Variants in PDE10A observed in about 807,000 individuals in gnomAD.
PDE10A encodes the protein cAMP and cAMP-inhibited cGMP 3',5'-cyclic phosphodiesterase 10A.
A neutral mutation model predicts 97.7 loss-of-function variants in PDE10A; 39 were observed. The observed-to-expected ratio is 0.40, with a 90% confidence interval of 0.31 to 0.52. The LOEUF (loss-of-function observed/expected upper bound fraction) is 0.52, where lower values mean the gene tolerates loss of function less well. PDE10A is among the 20% of genes least tolerant of loss of function. PDE10A has a pLI of 0.56. For synonymous variants in PDE10A, 371 were observed against 376.8 expected, an observed-to-expected ratio of 0.98 and a Z score of 0.18; for missense variants, 731 against 1,047.8, an observed-to-expected ratio of 0.70 and a Z score of 4.17.
intron 5 of PDE10A, among the ~76,000 whole-genome samples, chr6:165,441,639 G>T (rs763361246): frequency 2.0e-5 from 3 of 151,958 alleles, no homozygotes; most frequent in Non-Finnish European, 4.4e-5. Context: ...TTTTTCCCAA[G>T]TTCTGAAAAA....
At chr6:165,912,813 C>G (rs1026522590) in intron 1 of PDE10A, among the ~76,000 whole-genome samples, 2 of 152,158 alleles carry the variant, frequency 1.3e-5, no homozygotes, top group Non-Finnish European at 2.9e-5. Flanking sequence ...GAAGCGAACC[C>G]TCTATGTCCA....
intron 1 of PDE10A, among the ~76,000 whole-genome samples, chr6:165,864,718 TTCATGGAACA>T (rs1180502662): frequency 6.6e-6 from 1 of 152,216 alleles, no homozygotes; most frequent in Non-Finnish European, 1.5e-5. Flanking sequence ...CATAAAGTTG[TTCATGGAACA>T]TCATTTTATA....
chr6:165,666,676 A>G (rs147883547), upstream of PDE10A, among the ~76,000 whole-genome samples: 2 of 146,634 alleles, frequency 1.4e-5, no homozygotes, highest in African/African-American at 5.1e-5. Flanking sequence ...CCCTCACTAC[A>G]AGTCTTTAGT....
intron 1 of PDE10A, among the ~76,000 whole-genome samples, chr6:165,574,861 A>C (rs1003049217): frequency 2.6e-5 from 4 of 152,220 alleles, no homozygotes; most frequent in Non-Finnish European, 5.9e-5. Context: ...ACCTGTTAAA[A>C]CAGGATATGA....
At chr6:165,362,820 TATC>T (rs1223423253) in intron 18 of PDE10A, among the ~76,000 whole-genome samples, 3 of 152,138 alleles carry the variant, frequency 2.0e-5, no homozygotes, top group Non-Finnish European at 4.4e-5. Flanking sequence ...CTCAACGAAA[TATC>T]ATCAAGCCAA....
At chr6:165,763,927 A>AT (rs78052007) in intron 1 of PDE10A, among the ~76,000 whole-genome samples, 22,139 of 152,252 alleles carry the variant, frequency 0.15, 2,538 homozygotes, top group African/African-American at 0.31. Context: ...GACAACAATC[A>AT]TAAGGGATAA....
intron 1 of PDE10A, among the ~76,000 whole-genome samples, chr6:165,967,869 C>G (rs1189023400): frequency 6.6e-6 from 1 of 152,196 alleles, no homozygotes; most frequent in Non-Finnish European, 1.5e-5. Context: ...GTTTTCACCA[C>G]AAACTCTGCC....
At chr6:165,911,067 A>G (rs1000136676) in intron 1 of PDE10A, 1 of 152,202 alleles carries the variant, frequency 6.6e-6, no homozygotes, top group African/African-American at 2.4e-5. Context: ...AGCCTGACTA[A>G]TCCCGGGCTA....
In PDE10A at chr6:165,662,861, G is replaced by A. The variant is rs1583745940; in HGVS notation, c.-50C>T. Among the ~76,000 whole-genome samples, 2 of 150,812 alleles carry A rather than the reference G, an allele frequency of 1.3e-5. No individual in the cohort carries two copies. Among genetic ancestry groups the A allele is most frequent in the African/African-American group, 4.9e-5 (2 of 41,232 alleles). ...GCAGGCCGCGGGCGGGAGGGGCGCG[G>A]CGGGCCGGGGCTCGGTGGGCTCCGC... is the stretch of plus-strand genomic sequence containing the variant. On this transcript the variant is annotated 5_prime_UTR_variant, in exon 1 of 22. Transcript: ENST00000539869.
At chr6:165,799,548 C>T (rs879730658) in intron 1 of PDE10A, among the ~76,000 whole-genome samples, 4 of 152,106 alleles carry the variant, frequency 2.6e-5, no homozygotes, top group African/African-American at 4.8e-5. Flanking sequence ...GATTGTATCT[C>T]GGGCCATAAG....
At chr6:165,760,877 C>T (rs1490291427) in intron 1 of PDE10A, among the ~76,000 whole-genome samples, 1 of 152,220 alleles carries the variant, frequency 6.6e-6, no homozygotes, top group East Asian at 1.9e-4. Flanking sequence ...GCTTCAAAGC[C>T]TCTTCCTGGT....
intron 1 of PDE10A, among the ~76,000 whole-genome samples, chr6:165,886,744 G>T (rs1369743913): frequency 1.3e-5 from 2 of 152,152 alleles, no homozygotes; most frequent in African/African-American, 4.8e-5. Flanking sequence ...TTGTCAGACT[G>T]GTAGCACCAA....
intron 1 of PDE10A, chr6:165,545,214 T>C (rs767417568): frequency 4.0e-6 from 2 of 504,660 alleles, no homozygotes; most frequent in Non-Finnish European, 7.8e-6. Context: ...TCTTGAATTC[T>C]ACTTTCTCTT....
At chr6:165,554,795 G>T (rs747062901) in intron 1 of PDE10A, among the ~76,000 whole-genome samples, 5 of 152,238 alleles carry the variant, frequency 3.3e-5, no homozygotes, top group Non-Finnish European at 7.4e-5. Flanking sequence ...AATGGATAAA[G>T]AAAATGTGGT....
chr6:165,689,832 C>T (rs974024063), intron 1 of PDE10A, among the ~76,000 whole-genome samples: 3 of 152,102 alleles, frequency 2.0e-5, no homozygotes, highest in African/African-American at 4.8e-5. Context: ...GCCCATGGTA[C>T]GAGCTCAATA....
intron 1 of PDE10A, among the ~76,000 whole-genome samples, chr6:165,674,901 C>T (rs965541047): frequency 1.3e-5 from 2 of 152,118 alleles, no homozygotes; most frequent in Non-Finnish European, 2.9e-5. Flanking sequence ...TTCTGAGTGC[C>T]TCTTTCTCGT....
At chr6:165,702,984 C>T (rs1044474319) in intron 1 of PDE10A, among the ~76,000 whole-genome samples, 2 of 152,184 alleles carry the variant, frequency 1.3e-5, no homozygotes, top group Non-Finnish European at 2.9e-5. Flanking sequence ...GGTTGGAGTC[C>T]CCTGTTCTTC....
intron 1 of PDE10A, among the ~76,000 whole-genome samples, chr6:165,830,394 C>T (rs149633245): frequency 1.3e-5 from 2 of 152,276 alleles, no homozygotes; most frequent in African/African-American, 4.8e-5. Context: ...TAATATTCTC[C>T]TCTAGAATAC....
chr6:165,804,529 C>G (rs1397169258), intron 1 of PDE10A, among the ~76,000 whole-genome samples: 1 of 152,090 alleles, frequency 6.6e-6, no homozygotes, highest in Non-Finnish European at 1.5e-5. Context: ...GCGCGAACCA[C>G]AGAAACGAGG....
Sources: gnomAD v4.1 joint callset for allele counts (sites outside exome capture counted in the v4.1 genomes callset) on GRCh38, gnomAD v4.1.1 for gene constraint, MANE v1.5 for transcripts, NCBI Gene and HGNC (gene_info 2026-07-23, HGNC 2026-07-21) for gene names.